Variants in OPN3 observed in about 807,000 individuals in gnomAD.
OPN3 encodes the protein opsin 3.
OPN3 carries 29 observed loss-of-function variants against 33.8 expected under a neutral mutation model. The observed-to-expected ratio is 0.86, with a 90% CI of 0.64 to 1.17. OPN3 has a LOEUF of 1.17. Ranked by LOEUF, OPN3 falls within the 50% of genes most tolerant of loss-of-function variation. The pLI is 0.00. For synonymous variants in OPN3, 216 were observed against 216.1 expected (o/e 1.00, Z 0.00); for missense variants, 437 against 514.1 (o/e 0.85, Z 1.45).
chr1:241,595,370 A>C (rs1051393928), intron 3 of OPN3: 1 of 152,206 alleles, frequency 6.6e-6, no homozygotes, highest in Non-Finnish European at 1.5e-5. Context: ...AATGGAAGGA[A>C]CCTAGATTCC....
At chr1:241,612,265 T>C (rs1339843872) in intron 1 of OPN3, among the ~76,000 whole-genome samples, 2 of 152,204 alleles carry the variant, frequency 1.3e-5, no homozygotes, top group Non-Finnish European at 2.9e-5. Context: ...GTTGGCTGGG[T>C]GAATGAGCAC....
intron 1 of OPN3, among the ~76,000 whole-genome samples, chr1:241,613,199 T>C (rs672477): frequency 3.9e-5 from 6 of 152,100 alleles, no homozygotes; most frequent in Non-Finnish European, 8.8e-5. Flanking sequence ...CTAACACTTA[T>C]AGAGAGTACT....
chr1:241,634,856 C>A (rs778639588), intron 1 of OPN3: 1 of 1,609,744 alleles, frequency 6.2e-7, no homozygotes, highest in Admixed American at 1.7e-5. Flanking sequence ...ATACTCTAAA[C>A]AAAATGTGAG....
intron 3 of OPN3, chr1:241,594,919 C>T (rs1237650061): frequency 8.3e-6 from 4 of 481,858 alleles, no homozygotes; most frequent in African/African-American, 3.9e-5. Context: ...CATTTCAATA[C>T]CTTGTAATCC....
At chr1:241,619,229 T>C (rs1377918207) in intron 1 of OPN3, among the ~76,000 whole-genome samples, 1 of 152,200 alleles carries the variant, frequency 6.6e-6, no homozygotes, top group Non-Finnish European at 1.5e-5. Context: ...ATTAGGAATT[T>C]GGAAATTGCC....
chr1:241,629,020 CTTA>C (rs1170284682), intron 1 of OPN3: 5 of 152,504 alleles, frequency 3.3e-5, no homozygotes, highest in Non-Finnish European at 4.4e-5. Flanking sequence ...AATTTATGTT[CTTA>C]TTAACATTTT....
At chr1:241,602,188 T>C (rs1365997474) in intron 2 of OPN3, among the ~76,000 whole-genome samples, 4 of 151,906 alleles carry the variant, frequency 2.6e-5, no homozygotes, top group Admixed American at 6.6e-5. Context: ...TTGGAAGAGA[T>C]AAGAAGATGG....
intron 1 of OPN3, among the ~76,000 whole-genome samples, chr1:241,619,942 G>T (rs1664231559): frequency 6.6e-6 from 1 of 152,170 alleles, no homozygotes; most frequent in Non-Finnish European, 1.5e-5. Context: ...ATAAAATATG[G>T]TCCTTGATGT....
At chr1:241,635,143 C>T (rs769602277) in intron 1 of OPN3, 2 of 1,612,796 alleles carry the variant, frequency 1.2e-6, no homozygotes, top group South Asian at 2.2e-5. Flanking sequence ...GTTCATCGGC[C>T]TTATCTTCTA....
rs957453925 is a variant in OPN3, at chr1:241,593,285, G to A, written c.*1143C>T. 2.4e-5 allele frequency: 9 copies of A among 381,326 alleles called. No homozygotes were observed. The highest frequency in any genetic ancestry group is 1.3e-4 in the Admixed American group (5 of 39,576). 23.6% of individuals were successfully genotyped at this position (381,326 alleles called of 1,614,324 possible). ...CTAATTTATTCTTCGACTACATACT[G>A]CAGCAGAACCAGCAATACACTTGAT... On this transcript the variant is annotated 3_prime_UTR_variant, in exon 4 of 4. Transcript: ENST00000366554.
At chr1:241,631,037 C>G (rs1413568349) in intron 1 of OPN3, 1 of 152,030 alleles carries the variant, frequency 6.6e-6, no homozygotes, top group African/African-American at 2.4e-5. Context: ...AGCATACTGT[C>G]CTTCATGATA....
chr1:241,629,515 T>C (rs888900579), intron 1 of OPN3: 2 of 152,292 alleles, frequency 1.3e-5, no homozygotes, highest in South Asian at 4.1e-4. Flanking sequence ...TGGATATGCA[T>C]ATAGTTTTAC....
At position 241,594,694 on chromosome 1, in the gene OPN3, G is replaced by A; in HGVS notation, c.946-3C>T. On this transcript the variant is annotated splice_region_variant and splice_polypyrimidine_tract_variant and intron_variant, in intron 3 of 3. Transcript: ENST00000366554. ...AGCTGCAAAAGGGATCTTCGAAACTGGGCAGAGAAAAAATAAAGTGGAATA... is the reference window on the plus strand; with the variant it reads ...AGCTGCAAAAGGGATCTTCGAAACTAGGCAGAGAAAAAATAAAGTGGAATA... The A allele has an allele frequency of 1.2e-6, 2 of 1,608,150 alleles. No homozygotes were observed.
chr1:241,594,020 C>CA lies in OPN3; in HGVS notation c.*407dup, dbSNP rs1221468383. On this transcript the variant is annotated 3_prime_UTR_variant, in exon 4 of 4. Transcript: ENST00000366554. ...TGACACTGAATAGAGTCCAACAGTA[C>CA]AAAAAAAATTCAGTATGTTCTAGCT... is the stretch of plus-strand genomic sequence containing the variant. The CA allele has an allele frequency of 1.7e-5, 3 of 174,292 alleles. No homozygotes were observed. The highest frequency in any genetic ancestry group is 1.5e-4 in the South Asian group (1 of 6,882). The allele number at this position is 174,292 out of a possible 1,614,324, so 10.8% of individuals were successfully genotyped here. A position where few individuals can be genotyped will look rare whatever the true frequency, so the allele number is the denominator to read the frequency against.
intron 1 of OPN3, among the ~76,000 whole-genome samples, chr1:241,607,651 GAAGAAAGA>G (rs201871929): frequency 6.9e-6 from 1 of 144,754 alleles, no homozygotes; most frequent in African/African-American, 2.6e-5. Flanking sequence ...AAAGAAGAAA[GAAGAAAGA>G]AAGAAAGAAA....
intron 1 of OPN3, among the ~76,000 whole-genome samples, chr1:241,619,763 C>T (rs770597889): frequency 2.6e-5 from 4 of 152,210 alleles, no homozygotes; most frequent in Non-Finnish European, 4.4e-5. Flanking sequence ...AGAAGCCTGG[C>T]TGTACAAGAA....
At chr1:241,629,790 C>T (rs1362247864) in intron 1 of OPN3, 2 of 152,018 alleles carry the variant, frequency 1.3e-5, no homozygotes, top group Non-Finnish European at 2.9e-5. Context: ...TTTCCACCAG[C>T]AGTTATTAAT....
chr1:241,639,030 AT>A (rs1352708115), intron 1 of OPN3, among the ~76,000 whole-genome samples: 1 of 152,230 alleles, frequency 6.6e-6, no homozygotes, highest in African/African-American at 2.4e-5. Context: ...TCCTTCAATG[AT>A]TTGCTGAGTT....
At chr1:241,622,779 T>C (rs1664300143) in intron 1 of OPN3, among the ~76,000 whole-genome samples, 1 of 152,230 alleles carries the variant, frequency 6.6e-6, no homozygotes, top group South Asian at 2.1e-4. Flanking sequence ...GCTATTTCTA[T>C]ACCGCATGTT....
Sources: gnomAD v4.1 joint callset for allele counts (sites outside exome capture counted in the v4.1 genomes callset) on GRCh38, gnomAD v4.1.1 for gene constraint, MANE v1.5 for transcripts, NCBI Gene and HGNC (gene_info 2026-07-23, HGNC 2026-07-21) for gene names.